The following SERPINB6 variants were observed in gnomAD, a reference collection of about 807,000 sequenced individuals.
SERPINB6 encodes serpin B6.
Under a neutral mutation model 26.1 loss-of-function variants are expected in SERPINB6, and 16 were observed. The observed-to-expected ratio is 0.61, with a 90% CI of 0.42 to 0.93. The LOEUF (loss-of-function observed/expected upper bound fraction) is 0.93, where lower values mean the gene tolerates loss of function less well. Ranked by LOEUF, SERPINB6 falls within the 40% of genes least tolerant of loss-of-function variation. The pLI, the probability that SERPINB6 is intolerant of heterozygous loss-of-function variation, is 0.00. For synonymous variants in SERPINB6, 174 were observed against 176.6 expected, an observed-to-expected ratio of 0.99 and a Z score of 0.11; for missense variants, 420 against 478.0, an observed-to-expected ratio of 0.88 and a Z score of 1.13.
upstream of SERPINB6, chr6:2,971,698 C>G (rs955528827): frequency 6.6e-6 from 1 of 152,208 alleles, no homozygotes; most frequent in African/African-American, 2.4e-5. Context: ...CAACCCCACC[C>G]GCCAGCCGGA....
rs1053296280 is a variant in SERPINB6 at position 2,967,171 on chromosome 6, C to T, written c.-11+4362G>A. The stretch of plus-strand genomic sequence containing the variant: ...CAGAGCTCCAGCCACCCAGACTCCT[C>T]GAGTTGGAGGGATCTGTTAACCTGC... On this transcript the variant is annotated intron_variant, in intron 1 of 6. Coordinates refer to ENST00000380539, the MANE Select transcript of SERPINB6 (RefSeq NM_004568.6). This position sits in a 1 kb window ranked among gnomAD's most constrained non-coding sequence, Gnocchi z 4.3. The T allele has an allele frequency of 1.0e-6, 1 of 985,306 alleles. No homozygotes were observed. Among genetic ancestry groups the T allele is most frequent in the Non-Finnish European group, 1.2e-6 (1 of 829,948 alleles). 61.0% of individuals were successfully genotyped at this position (985,306 alleles called of 1,614,324 possible).
At position 2,953,326 on chromosome 6, in the gene SERPINB6, C is replaced by T. The variant is rs73347833; in HGVS notation, c.431-140G>A. 5,163 of 1,151,106 alleles carry T rather than the reference C, an allele frequency of 4.5e-3. 174 individuals are homozygous for T. The African/African-American group carries it at 0.066, about 15-fold the overall frequency. 71.3% of individuals were successfully genotyped at this position (1,151,106 alleles called of 1,614,324 possible). The stretch of plus-strand genomic sequence containing the variant: ...ACTGTCCCCCAAATATAAAGGGATA[C>T]GTGTCCTTAAAGCAAAACAACAAAA... On this transcript the variant is annotated intron_variant, in intron 4 of 6. Coordinates refer to ENST00000380539, the MANE Select transcript of SERPINB6 (RefSeq NM_004568.6).
At chr6:2,969,086 T>C (rs923280046) in intron 1 of SERPINB6, 9 of 1,096,824 alleles carry the variant, frequency 8.2e-6, no homozygotes, top group East Asian at 1.1e-4. Context: ...ATAAAAAAGA[T>C]TGGAGAGATC....
rs1771766410 is a variant in SERPINB6 at position 2,967,807 on chromosome 6, A to C, written c.-11+3726T>G. On this transcript the variant is annotated intron_variant, in intron 1 of 6. Coordinates refer to ENST00000380539, the MANE Select transcript of SERPINB6 (RefSeq NM_004568.6). The surrounding 1 kb of genome is among the most constrained non-coding windows in gnomAD (Gnocchi z 4.3). ...AGTCAAAAATTAAGAGATACTGGCA[A>C]GGTTGTGGAGAAAAGGGAACACTTA... 1 of 152,250 alleles carries C rather than the reference A, an allele frequency of 6.6e-6. No individual in the cohort carries two copies. Among genetic ancestry groups the C allele is most frequent in the African/African-American group, 2.4e-5 (1 of 41,474 alleles). The allele number at this position is 152,250 out of a possible 1,614,324, so 9.4% of individuals were successfully genotyped here.
At chr6:2,954,837 A>G (rs2113189744) in intron 3 of SERPINB6, 128 bp from the exon 4 acceptor site, 1 of 722,146 alleles carries the variant, frequency 1.4e-6, no homozygotes, top group Non-Finnish European at 2.5e-6. Flanking sequence ...ACAAATAAAT[A>G]TGAGGACTTA....
chr6:2,963,063 A>G (rs1771286189), intron 1 of SERPINB6, among the ~76,000 whole-genome samples: 1 of 152,238 alleles, frequency 6.6e-6, no homozygotes, highest in Non-Finnish European at 1.5e-5. Context: ...GAGCACAGTT[A>G]GCAAACAATT....
At position 2,968,763 on chromosome 6, in the gene SERPINB6, T is replaced by TGGAAGTTCTGTTTACATGGA; in HGVS notation, c.-11+2750_-11+2769dup. ...GTTAAGAGGAAAACACAAACAATGC[T>TGGAAGTTCTGTTTACATGGA]GGAAGTTCTGTTTACATGGAGGAAG... On this transcript the variant is annotated intron_variant, in intron 1 of 6. Transcript: ENST00000380539. 84 of 1,231,608 alleles carry TGGAAGTTCTGTTTACATGGA rather than the reference T, an allele frequency of 6.8e-5. 1 individual carries two copies. Among genetic ancestry groups the TGGAAGTTCTGTTTACATGGA allele is most frequent in the South Asian group, 1.2e-4 (3 of 24,320 alleles). 76.3% of individuals were successfully genotyped at this position (1,231,608 alleles called of 1,614,324 possible).
intron 5 of SERPINB6, 80 bp from the exon 6 acceptor site, chr6:2,949,149 C>T: frequency 6.6e-7 from 1 of 1,520,282 alleles, no homozygotes; most frequent in African/African-American, 1.4e-5. Context: ...GCTGGCCACT[C>T]TCTGCAGGGA....
intron 1 of SERPINB6, chr6:2,963,300 T>G (rs1771315113): frequency 6.6e-6 from 1 of 152,254 alleles, no homozygotes; most frequent in South Asian, 2.1e-4. Flanking sequence ...TACTATGTGC[T>G]AGGTCCACAC....
At chr6:2,969,378 CAT>C (rs1771924062) in intron 1 of SERPINB6, 1 of 958,492 alleles carries the variant, frequency 1.0e-6, no homozygotes, top group African/African-American at 1.9e-5. Context: ...TATATATGTA[CAT>C]AGACAAATAT....
At chr6:2,969,035 T>C in intron 1 of SERPINB6, 1 of 1,191,544 alleles carries the variant, frequency 8.4e-7, no homozygotes, top group East Asian at 3.6e-5. Flanking sequence ...AGCATTTTCA[T>C]TATCACTTCG....
At chr6:2,971,624 C>G (rs1772189286), upstream of SERPINB6, 1 of 152,092 alleles carries the variant, frequency 6.6e-6, no homozygotes, top group Admixed American at 6.5e-5. Flanking sequence ...GGCGGAGTCC[C>G]GGGTCTCGAG....
chr6:2,969,477 T>C, intron 1 of SERPINB6: 1 of 979,502 alleles, frequency 1.0e-6, no homozygotes, highest in Non-Finnish European at 1.2e-6. Context: ...AAAAACTGGA[T>C]ATTAAAGTCT....
At chr6:2,970,080 T>G (rs1771997363) in intron 1 of SERPINB6, 3 of 984,810 alleles carry the variant, frequency 3.0e-6, no homozygotes, top group Non-Finnish European at 3.6e-6. Flanking sequence ...AAAAAAAATT[T>G]TCTTTCTTTG....
chr6:2,970,790 T>C, intron 1 of SERPINB6: 1 of 1,231,378 alleles, frequency 8.1e-7, no homozygotes, highest in Non-Finnish European at 1.0e-6. Flanking sequence ...AGTTTCCTCT[T>C]TGCCTTGAAG....
intron 5 of SERPINB6, among the ~76,000 whole-genome samples, chr6:2,952,010 C>A (rs1011027048): frequency 2.6e-5 from 4 of 152,216 alleles, no homozygotes; most frequent in Non-Finnish European, 4.4e-5. Context: ...GGATCATCGC[C>A]CCAGTGCCAG....
rs779969884 is a variant in SERPINB6 at position 2,948,669 on chromosome 6, C to T, written c.760G>A (p.Val254Ile). The change falls in exon 7 of 7, where the codon GTA (valine) becomes ATA (isoleucine). Residue 254 changes from valine to isoleucine, a missense_variant. Val to Ile is a conservative substitution (Grantham distance 29, BLOSUM62 3). Coordinates refer to ENST00000380539, the MANE Select transcript of SERPINB6 (RefSeq NM_004568.6). The surrounding 1 kb of genome is among the most constrained non-coding windows in gnomAD (Gnocchi z 5.0). ...ATCATGTCCAGCCTCGTCCATTCTA[C>T]GAACTTCTCGTAAGTGAGTTCTTTC... Reference protein sequence around the residue: ...VEKELTYEKFVEWTRLDMMDE... With the variant: ...VEKELTYEKFIEWTRLDMMDE... 21 of 1,614,096 alleles carry T rather than the reference C, an allele frequency of 1.3e-5. No homozygotes were observed. Among genetic ancestry groups the T allele is most frequent in the South Asian group, 5.5e-5 (5 of 91,094 alleles).
chr6:2,951,529 A>G (rs1341602861), intron 5 of SERPINB6, among the ~76,000 whole-genome samples: 1 of 152,148 alleles, frequency 6.6e-6, no homozygotes, highest in East Asian at 1.9e-4. Flanking sequence ...GCACCCCTTC[A>G]GGGTCCAAAG....
At chr6:2,965,423 CTAAT>C (rs1771536359) in intron 1 of SERPINB6, among the ~76,000 whole-genome samples, 1 of 144,264 alleles carries the variant, frequency 6.9e-6, no homozygotes, top group African/African-American at 2.8e-5. Flanking sequence ...GCTGGTCAGA[CTAAT>C]TTTTTTTCTC....
Sources: gnomAD v4.1 joint callset for allele counts (sites outside exome capture counted in the v4.1 genomes callset) on GRCh38, gnomAD v4.1.1 for gene constraint, Gnocchi (gnomAD v3.1) non-coding constraint, MANE v1.5 for transcripts, NCBI Gene and HGNC (gene_info 2026-07-23, HGNC 2026-07-21) for gene names.